Variants in PIP5K1A observed in about 807,000 individuals in gnomAD.
PIP5K1A encodes phosphatidylinositol 4-phosphate 5-kinase type-1 alpha.
PIP5K1A carries 46 observed loss-of-function variants against 72.9 expected under a neutral mutation model. That is an observed-to-expected ratio of 0.63 (90% confidence interval 0.50 to 0.81). The LOEUF (loss-of-function observed/expected upper bound fraction) is 0.81, where lower values mean the gene tolerates loss of function less well. Among genes scored for constraint, PIP5K1A ranks in the 30% least tolerant of loss-of-function variants. The probability of loss-of-function intolerance (pLI) is 0.00; values close to 1 mark genes in which losing one functional copy is unlikely to be tolerated. For missense variants in PIP5K1A, 458 were observed against 706.1 expected (o/e 0.65, Z 3.98); for synonymous variants, 228 against 255.1 (o/e 0.89, Z 1.01).
chr1:151,242,592 A>G (rs773670580), intron 14 of PIP5K1A, 25 bp downstream of exon 14: 12 of 1,598,960 alleles, frequency 7.5e-6, no homozygotes, highest in South Asian at 5.5e-5. Flanking sequence ...CCCTTTCTCC[A>G]TATAATCTTA....
intron 4 of PIP5K1A, among the ~76,000 whole-genome samples, chr1:151,229,654 C>T (rs1445968379): frequency 6.6e-6 from 1 of 151,296 alleles, no homozygotes; most frequent in Non-Finnish European, 1.5e-5. Context: ...AGCCACAGCA[C>T]CCGGCCATTT....
At chr1:151,206,447 G>C (rs1400240728) in intron 1 of PIP5K1A, among the ~76,000 whole-genome samples, 1 of 152,176 alleles carries the variant, frequency 6.6e-6, no homozygotes, top group East Asian at 1.9e-4. Context: ...TTGGTTGGGG[G>C]TGGGCAAAGG....
intron 1 of PIP5K1A, among the ~76,000 whole-genome samples, chr1:151,206,377 A>G (rs587635237): frequency 6.6e-6 from 1 of 152,252 alleles, no homozygotes; most frequent in East Asian, 1.9e-4. Context: ...TTTACCTTGT[A>G]TACTTAACTG....
At chr1:151,210,001 T>C (rs1686565561) in intron 1 of PIP5K1A, among the ~76,000 whole-genome samples, 1 of 151,808 alleles carries the variant, frequency 6.6e-6, no homozygotes, top group Admixed American at 6.6e-5. Flanking sequence ...CTTGTGCCTC[T>C]GCCTCTCGAG....
At chr1:151,228,291 A>G (rs1689456622) in intron 4 of PIP5K1A, among the ~76,000 whole-genome samples, 1 of 152,070 alleles carries the variant, frequency 6.6e-6, no homozygotes, top group Non-Finnish European at 1.5e-5. Flanking sequence ...AGCTGGGACT[A>G]CAGGTGCACA....
At chr1:151,224,795 C>CT (rs986994650) in intron 3 of PIP5K1A, among the ~76,000 whole-genome samples, 2 of 152,148 alleles carry the variant, frequency 1.3e-5, no homozygotes. Flanking sequence ...ACAAGTTTCT[C>CT]TTTTTTGTCC....
chr1:151,234,013 T>C (rs587603134), intron 7 of PIP5K1A, among the ~76,000 whole-genome samples, 184 bp from the exon 8 acceptor site: 1 of 152,286 alleles, frequency 6.6e-6, no homozygotes, highest in Non-Finnish European at 1.5e-5. Flanking sequence ...AGCTTGATGG[T>C]GAACTTACCA....
intron 14 of PIP5K1A, among the ~76,000 whole-genome samples, chr1:151,246,509 G>A (rs1692537676): frequency 6.6e-6 from 1 of 152,128 alleles, no homozygotes; most frequent in African/African-American, 2.4e-5. Flanking sequence ...AGAAGATACA[G>A]TATTTTTGTA....
intron 5 of PIP5K1A, 38 bp downstream of exon 5, chr1:151,231,839 G>T (rs370071224): frequency 5.6e-6 from 9 of 1,608,840 alleles, no homozygotes; most frequent in Non-Finnish European, 7.7e-6. Context: ...TCCTGGAAAT[G>T]TGGCCTTTTC....
At position 151,234,333 on chromosome 1, in the gene PIP5K1A, A is replaced by T; in HGVS notation, c.776A>T (p.Asp259Val). The T allele has an allele frequency of 6.2e-7, 1 of 1,614,076 alleles. No homozygotes were observed. Among genetic ancestry groups the T allele is most frequent in the Non-Finnish European group, 8.5e-7 (1 of 1,179,946 alleles). The change falls in exon 8 of 16, where the codon GAC becomes GTC. Residue 259 changes from aspartate to valine, a missense_variant. Transcript: ENST00000368888. ...TCGGTAAAAATGCATATCAAATATG[A>T]CCTCAAAGGCTCAACCTACAAACGG... Reference protein sequence around the residue: ...PRSVKMHIKYDLKGSTYKRRA... With the variant: ...PRSVKMHIKYVLKGSTYKRRA...
intron 8 of PIP5K1A, 92 bp downstream of exon 8, chr1:151,234,588 C>CCA: frequency 1.0e-6 from 1 of 953,486 alleles, no homozygotes; most frequent in Non-Finnish European, 1.7e-6. Flanking sequence ...GAACTCTGTT[C>CCA]CTTAGCACTG....
chr1:151,237,783 G>A (rs587605215), intron 9 of PIP5K1A, among the ~76,000 whole-genome samples: 46 of 152,208 alleles, frequency 3.0e-4, no homozygotes, highest in Non-Finnish European at 5.6e-4. Flanking sequence ...AAGGTATCCT[G>A]TAATATGACT....
Position 151,229,100 on chromosome 1 carries a change from G to A in PIP5K1A, c.237+1700G>A, listed in dbSNP as rs1200000047. On this transcript the variant is annotated intron_variant, in intron 4 of 15. Transcript: ENST00000368888. ...TGAGAATAGCTTGAACCTGGGAGGC[G>A]AAGGTTGCAGTGAGCCGAGGTCGCG... Among the ~76,000 whole-genome samples the A allele has an allele frequency of 3.7e-5, 5 of 133,404 alleles. No homozygotes were observed. In the East Asian group the frequency reaches 7.0e-4, roughly 19 times the overall value. The allele number at this position is 133,404 out of a possible 152,430, so 87.5% of individuals were successfully genotyped here.
In PIP5K1A at chr1:151,249,238, TTC is replaced by T. The variant is rs1435164081; in HGVS notation, c.*1375_*1376del. On this transcript the variant is annotated 3_prime_UTR_variant, in exon 16 of 16. Transcript: ENST00000368888. ...TCTATATTAGACACCCCCAGCCAGTTTCTGGCTGCCTGTCTTTGCTGCCATGT... is the reference window on the plus strand; with the variant it reads ...TCTATATTAGACACCCCCAGCCAGTTTGGCTGCCTGTCTTTGCTGCCATGT... The T allele has an allele frequency of 2.0e-5, 3 of 152,190 alleles. No homozygotes were observed. The highest frequency in any genetic ancestry group is 4.4e-5 in the Non-Finnish European group (3 of 68,032). 9.4% of individuals were successfully genotyped at this position (152,190 alleles called of 1,614,324 possible). A position where few individuals can be genotyped will look rare whatever the true frequency, so the allele number is the denominator to read the frequency against.
intron 1 of PIP5K1A, 63 bp from the exon 2 acceptor site, chr1:151,224,182 G>C: frequency 7.0e-7 from 1 of 1,422,236 alleles, no homozygotes; most frequent in Non-Finnish European, 9.9e-7. Context: ...GATGGTTTCA[G>C]TATGCTTGAC....
In PIP5K1A at chr1:151,242,124, G is replaced by C; in HGVS notation, c.1365G>C (p.Leu455Phe). The change falls in exon 13 of 16, where the codon TTG becomes TTC. Residue 455 changes from leucine to phenylalanine, a missense_variant and splice_region_variant. By Grantham distance (22) the Leu-to-Phe change is conservative. Around this residue, in one of 3 missense-constraint regions of PIP5K1A, gnomAD observed 157 missense variants for 175.5 expected, o/e 0.89. Transcript: ENST00000368888. ...AGGCTCTCTCTTTCCCTTTTGAAGT[G>C]AAGCCTTCTCCTTCCAAAAAGTTTC... ...MCNTVFKKIPLKPSPSKKFRS... is the reference protein window; with the variant it reads ...MCNTVFKKIPFKPSPSKKFRS... The C allele has an allele frequency of 6.2e-7, 1 of 1,614,102 alleles. No individual in the cohort carries two copies. Among genetic ancestry groups the C allele is most frequent in the Non-Finnish European group, 8.5e-7 (1 of 1,180,008 alleles).
chr1:151,227,668 A>C (rs1172006739), intron 4 of PIP5K1A, among the ~76,000 whole-genome samples: 2 of 152,234 alleles, frequency 1.3e-5, no homozygotes, highest in Non-Finnish European at 2.9e-5. Context: ...AGGCAGGCAG[A>C]TCATTTTAGG....
chr1:151,196,882 C>T (rs1299760800), upstream of PIP5K1A, among the ~76,000 whole-genome samples: 1 of 52,046 alleles, frequency 1.9e-5, no homozygotes, highest in Non-Finnish European at 3.6e-5. Context: ...TTTTTTGAGA[C>T]TGAGTTTCGC....
At chr1:151,205,775 G>T (rs767235318) in intron 1 of PIP5K1A, among the ~76,000 whole-genome samples, 9 of 152,000 alleles carry the variant, frequency 5.9e-5, no homozygotes, top group Non-Finnish European at 1.2e-4. Context: ...TCCAGCCAGG[G>T]CAACAGAGCA....
Sources: allele counts gnomAD v4.1 joint callset (sites outside exome capture counted in the v4.1 genomes callset), GRCh38; gene constraint gnomAD v4.1.1; regional missense constraint gnomAD v4.1.1; transcripts MANE v1.5; gene names NCBI Gene and HGNC (gene_info 2026-07-23, HGNC 2026-07-21).